CDH12: variants seen among roughly 807,000 people sequenced by gnomAD.
CDH12 encodes cadherin-12.
CDH12 carries 41 observed loss-of-function variants against 74.1 expected under a neutral mutation model. The ratio of observed to expected loss-of-function variants is 0.55; its 90% CI spans 0.43 to 0.72. CDH12 has a LOEUF of 0.72. Among genes scored for constraint, CDH12 ranks in the 30% least tolerant of loss-of-function variants. The pLI is 0.00. For missense variants in CDH12, 945 were observed against 977.2 expected, an observed-to-expected ratio of 0.97 and a Z score of 0.44; for synonymous variants, 399 against 355.0, an observed-to-expected ratio of 1.12 and a Z score of -1.39.
chr5:22,281,013 A>C lies in CDH12; in HGVS notation c.-332-68370T>G, dbSNP rs540756604. ...AACCGAATCCAGCAGCCCATCAAAA[A>C]GCTTATCCACTATGATCAAGTGGGC... On this transcript the variant is annotated intron_variant, in intron 3 of 14. Transcript: ENST00000382254. Among the ~76,000 whole-genome samples, 37 of 152,338 alleles carry C rather than the reference A, an allele frequency of 2.4e-4. No individual in the cohort carries two copies. In the East Asian group the frequency reaches 3.5e-3, roughly 14 times the overall value.
At chr5:22,179,312 A>G (rs1212487426) in intron 4 of CDH12, among the ~76,000 whole-genome samples, 1 of 152,142 alleles carries the variant, frequency 6.6e-6, no homozygotes, top group Non-Finnish European at 1.5e-5. Context: ...ATATGGGTTT[A>G]TGACATACTA....
intron 1 of CDH12, among the ~76,000 whole-genome samples, chr5:22,747,620 A>AC (rs1745362519): frequency 1.3e-5 from 2 of 151,278 alleles, no homozygotes; most frequent in Admixed American, 6.6e-5. Context: ...AAAAAAAAAA[A>AC]AAAAGAGAAG....
At chr5:21,814,818 A>T (rs1329704687) in intron 9 of CDH12, among the ~76,000 whole-genome samples, 3 of 151,518 alleles carry the variant, frequency 2.0e-5, no homozygotes, top group Non-Finnish European at 4.4e-5. Context: ...CCATTTGAAT[A>T]GATGATTGTA....
At chr5:21,811,395 A>C (rs1747735700) in intron 9 of CDH12, among the ~76,000 whole-genome samples, 1 of 152,042 alleles carries the variant, frequency 6.6e-6, no homozygotes, top group African/African-American at 2.4e-5. Flanking sequence ...GAGAAAATTC[A>C]AGTGCTTCTA....
At chr5:21,760,388 G>T (rs112912165) in intron 13 of CDH12, among the ~76,000 whole-genome samples, 170 bp downstream of exon 13, 2 of 152,212 alleles carry the variant, frequency 1.3e-5, no homozygotes, top group African/African-American at 4.8e-5. Context: ...TAGACAGTCT[G>T]TATAGATTAA....
intron 1 of CDH12, among the ~76,000 whole-genome samples, chr5:22,753,374 T>C (rs1399770881): frequency 6.7e-6 from 1 of 150,136 alleles, no homozygotes; most frequent in Admixed American, 6.7e-5. Flanking sequence ...GAGGCAGAGC[T>C]TGCAGTGATC....
At chr5:22,804,944 T>C (rs1020566423) in intron 1 of CDH12, among the ~76,000 whole-genome samples, 1 of 152,220 alleles carries the variant, frequency 6.6e-6, no homozygotes, top group African/African-American at 2.4e-5. Flanking sequence ...CCTTTGTTTT[T>C]AAAATCTTAC....
At chr5:22,337,799 C>A (rs1400067847) in intron 3 of CDH12, among the ~76,000 whole-genome samples, 1 of 152,164 alleles carries the variant, frequency 6.6e-6, no homozygotes, top group African/African-American at 2.4e-5. Flanking sequence ...ATACAATTTG[C>A]AAACAGGTAT....
intron 1 of CDH12, among the ~76,000 whole-genome samples, chr5:22,772,795 A>G (rs896052601): frequency 3.9e-5 from 6 of 152,244 alleles, no homozygotes; most frequent in Middle Eastern, 3.4e-3. Flanking sequence ...ATCTTAAACC[A>G]CTTCCTTTGG....
chr5:22,234,537 A>T (rs1026677611), intron 3 of CDH12, among the ~76,000 whole-genome samples: 1 of 148,844 alleles, frequency 6.7e-6, no homozygotes, highest in African/African-American at 2.5e-5. Context: ...CCAATTAAAC[A>T]TCTTTTTCTT....
chr5:22,639,300 T>A (rs1447992315), intron 1 of CDH12, among the ~76,000 whole-genome samples: 2 of 151,938 alleles, frequency 1.3e-5, no homozygotes, highest in Non-Finnish European at 2.9e-5. Context: ...CAGTAAAGGT[T>A]AAGCTAATTC....
At chr5:21,804,297 G>T (rs991087109) in intron 9 of CDH12, among the ~76,000 whole-genome samples, 1 of 151,946 alleles carries the variant, frequency 6.6e-6, no homozygotes, top group Non-Finnish European at 1.5e-5. Context: ...TGTAGTATCT[G>T]AAAAAAAGAG....
intron 1 of CDH12, among the ~76,000 whole-genome samples, chr5:22,766,940 A>T (rs1174747303): frequency 6.6e-6 from 1 of 152,058 alleles, no homozygotes; most frequent in East Asian, 1.9e-4. Flanking sequence ...TACTCAATGG[A>T]TACAGAGGAG....
intron 1 of CDH12, among the ~76,000 whole-genome samples, chr5:22,784,201 G>T (rs1747518424): frequency 6.6e-6 from 1 of 151,990 alleles, no homozygotes; most frequent in South Asian, 2.1e-4. Flanking sequence ...CTCAAAGACT[G>T]ATATGCTTTC....
intron 1 of CDH12, among the ~76,000 whole-genome samples, chr5:22,762,431 G>T (rs1029359548): frequency 4.6e-5 from 7 of 151,988 alleles, no homozygotes; most frequent in Admixed American, 4.6e-4. Context: ...GAGTTTTATT[G>T]TATTTTATTT....
At chr5:22,535,569 T>TTGTA (rs1737810045) in intron 1 of CDH12, among the ~76,000 whole-genome samples, 1 of 152,248 alleles carries the variant, frequency 6.6e-6, no homozygotes, top group South Asian at 2.1e-4. Flanking sequence ...TATTACTATT[T>TTGTA]TGTAAGTGAG....
intron 7 of CDH12, among the ~76,000 whole-genome samples, chr5:21,842,627 T>C (rs771354443): frequency 2.0e-5 from 3 of 152,160 alleles, no homozygotes; most frequent in Non-Finnish European, 4.4e-5. Flanking sequence ...AGACATGATT[T>C]ATATGCACGA....
chr5:22,249,209 T>C (rs961711010), intron 3 of CDH12, among the ~76,000 whole-genome samples: 15 of 152,250 alleles, frequency 9.9e-5, no homozygotes, highest in African/African-American at 3.4e-4. Context: ...AGAACAGCTG[T>C]GAATGTTAGA....
At chr5:22,132,199 G>T (rs543178808) in intron 4 of CDH12, among the ~76,000 whole-genome samples, 1 of 151,948 alleles carries the variant, frequency 6.6e-6, no homozygotes, top group African/African-American at 2.4e-5. Flanking sequence ...TCCTTCCACT[G>T]TTGAGTGGAA....
Sources: allele counts gnomAD v4.1 joint callset (sites outside exome capture counted in the v4.1 genomes callset), GRCh38; gene constraint gnomAD v4.1.1; transcripts MANE v1.5; gene names NCBI Gene and HGNC (gene_info 2026-07-23, HGNC 2026-07-21).